ZNF385D: variants seen among roughly 807,000 people sequenced by gnomAD.
The protein encoded by ZNF385D is zinc finger protein 385D, also known as zinc finger protein 659.
Under a neutral mutation model 35.8 loss-of-function variants are expected in ZNF385D, and 15 were observed. That is an observed-to-expected ratio of 0.42 (90% CI 0.28 to 0.64). The LOEUF is 0.64. Ranked by LOEUF, ZNF385D falls within the 30% of genes least tolerant of loss-of-function variation. ZNF385D has a pLI of 0.23. For synonymous variants in ZNF385D, 212 were observed against 186.8 expected, an observed-to-expected ratio of 1.13 and a Z score of -1.10; for missense variants, 474 against 494.6, an observed-to-expected ratio of 0.96 and a Z score of 0.39.
rs1414590730 is a variant in ZNF385D, at chr3:21,421,333, G to A, written c.1069C>T (p.Leu357Phe). 1 of 1,613,854 alleles carries A rather than the reference G, an allele frequency of 6.2e-7. No homozygotes were observed. Among genetic ancestry groups the A allele is most frequent in the African/African-American group, 1.3e-5 (1 of 74,936 alleles). ...AAVAVSSPFS[L>F]RTAPAATLFQ... The stretch of plus-strand genomic sequence containing the variant: ...AGTGTTGCTGCTGGAGCAGTTCGAA[G>A]ACTGAAGGGGGAACTCACTGCCACT... The change falls in exon 8 of 8, where the codon CTT becomes TTT. Residue 357 changes from leucine (L) to phenylalanine (F), a missense_variant. Transcript: ENST00000281523.
intron 5 of ZNF385D, among the ~76,000 whole-genome samples, chr3:21,425,875 G>T (rs181821460): frequency 6.6e-6 from 1 of 152,130 alleles, no homozygotes; most frequent in Admixed American, 6.5e-5. Flanking sequence ...CTGTAACAAT[G>T]TGCTTTCATC....
intron 3 of ZNF385D, among the ~76,000 whole-genome samples, chr3:21,917,739 C>A (rs893588659): frequency 6.6e-6 from 1 of 152,176 alleles, no homozygotes; most frequent in Non-Finnish European, 1.5e-5. Flanking sequence ...TTCAACCATT[C>A]ATTCAGTATC....
At chr3:21,574,711 T>G (rs911271310) in intron 2 of ZNF385D, among the ~76,000 whole-genome samples, 1 of 152,064 alleles carries the variant, frequency 6.6e-6, no homozygotes, top group African/African-American at 2.4e-5. Flanking sequence ...GAAATAAGAT[T>G]GGTCCTGAGT....
At chr3:21,940,891 A>T (rs1008674032) in intron 3 of ZNF385D, among the ~76,000 whole-genome samples, 36 of 152,232 alleles carry the variant, frequency 2.4e-4, no homozygotes, top group African/African-American at 8.2e-4. Context: ...CTTTGTAAGA[A>T]GTTACTTCAA....
intron 2 of ZNF385D, among the ~76,000 whole-genome samples, chr3:21,632,692 G>T (rs2065316653): frequency 1.3e-5 from 2 of 152,082 alleles, no homozygotes; most frequent in African/African-American, 4.8e-5. Context: ...TTCAGATTCA[G>T]CTGACACGAA....
At chr3:22,349,804 A>G (rs746920492) in intron 2 of ZNF385D, among the ~76,000 whole-genome samples, 2 of 152,148 alleles carry the variant, frequency 1.3e-5, no homozygotes, top group African/African-American at 4.8e-5. Context: ...TCAAAAGTAC[A>G]CTGAGAACTA....
chr3:22,172,390 T>C (rs1247805902), intron 2 of ZNF385D, among the ~76,000 whole-genome samples: 2 of 152,216 alleles, frequency 1.3e-5, no homozygotes, highest in African/African-American at 4.8e-5. Flanking sequence ...GTAAGCTATA[T>C]TAAAAAATGT....
intron 3 of ZNF385D, among the ~76,000 whole-genome samples, chr3:21,962,409 G>T (rs1441133789): frequency 6.6e-6 from 1 of 152,160 alleles, no homozygotes; most frequent in Non-Finnish European, 1.5e-5. Context: ...AAAGTTCACT[G>T]AAGTTTAATT....
At chr3:21,761,806 T>A (rs1575604733) in intron 3 of ZNF385D, among the ~76,000 whole-genome samples, 1 of 151,410 alleles carries the variant, frequency 6.6e-6, no homozygotes, top group Admixed American at 6.6e-5. Flanking sequence ...TGATAAAAAT[T>A]GTATCTCACT....
intron 2 of ZNF385D, among the ~76,000 whole-genome samples, chr3:21,635,041 G>A (rs1189427052): frequency 1.3e-5 from 2 of 152,028 alleles, no homozygotes; most frequent in African/African-American, 4.8e-5. Context: ...ATCAAAGTGG[G>A]TCTTTAGGCA....
At chr3:22,200,567 G>T (rs2125241943) in intron 2 of ZNF385D, among the ~76,000 whole-genome samples, 1 of 152,162 alleles carries the variant, frequency 6.6e-6, no homozygotes, top group Non-Finnish European at 1.5e-5. Flanking sequence ...GAAGTTTTGG[G>T]CACCACTGTC....
At chr3:22,098,185 C>T (rs764067968) in intron 3 of ZNF385D, among the ~76,000 whole-genome samples, 7 of 152,092 alleles carry the variant, frequency 4.6e-5, no homozygotes, top group Non-Finnish European at 8.8e-5. Flanking sequence ...TCTATTACGA[C>T]CAATAAAATA....
chr3:22,345,160 C>T (rs1470374498), intron 2 of ZNF385D, among the ~76,000 whole-genome samples: 1 of 152,112 alleles, frequency 6.6e-6, no homozygotes, highest in East Asian at 1.9e-4. Flanking sequence ...GCAAACCATA[C>T]TAATAATTTT....
At chr3:22,274,575 T>C (rs763050124) in intron 2 of ZNF385D, among the ~76,000 whole-genome samples, 86 of 152,156 alleles carry the variant, frequency 5.7e-4, no homozygotes, top group African/African-American at 1.7e-3. Context: ...CAAGAGTCCA[T>C]TGCAATCAAG....
chr3:21,980,643 G>A (rs370992111), intron 3 of ZNF385D, among the ~76,000 whole-genome samples: 2 of 152,044 alleles, frequency 1.3e-5, no homozygotes, highest in Non-Finnish European at 2.9e-5. Flanking sequence ...GGGGTTTGTT[G>A]TACACACTAT....
intron 3 of ZNF385D, among the ~76,000 whole-genome samples, chr3:21,838,754 A>G (rs1695484284): frequency 6.6e-6 from 1 of 152,212 alleles, no homozygotes; most frequent in African/African-American, 2.4e-5. Context: ...ATCTATTGTA[A>G]GTTACATGCT....
intron 3 of ZNF385D, among the ~76,000 whole-genome samples, chr3:21,512,902 G>A (rs545743205): frequency 1.2e-4 from 18 of 152,208 alleles, no homozygotes; most frequent in Non-Finnish European, 2.5e-4. Flanking sequence ...TTAGGCATCT[G>A]GATATATCAT....
intron 2 of ZNF385D, among the ~76,000 whole-genome samples, chr3:22,238,938 G>A (rs751771943): frequency 2.7e-5 from 4 of 149,808 alleles, no homozygotes; most frequent in Non-Finnish European, 5.9e-5. Context: ...TGTTGTACAG[G>A]CTGATCACAA....
chr3:22,269,875 T>G (rs1701084831), intron 2 of ZNF385D, among the ~76,000 whole-genome samples: 1 of 151,850 alleles, frequency 6.6e-6, no homozygotes, highest in South Asian at 2.1e-4. Context: ...TTGCTTTACC[T>G]TGTATTGTCT....
Sources: allele counts gnomAD v4.1 joint callset (sites outside exome capture counted in the v4.1 genomes callset), GRCh38; gene constraint gnomAD v4.1.1; transcripts MANE v1.5; gene names NCBI Gene and HGNC (gene_info 2026-07-23, HGNC 2026-07-21).